Variants in MAP3K13 observed in about 807,000 individuals in gnomAD.
MAP3K13 encodes the protein leucine zipper-bearing kinase.
In MAP3K13, 52 loss-of-function variants were observed where a neutral mutation model predicts 104.0. That is an observed-to-expected ratio of 0.50 (90% CI 0.40 to 0.63). The LOEUF (loss-of-function observed/expected upper bound fraction) is 0.63. MAP3K13 is among the 20% of genes least tolerant of loss of function. The pLI, the probability that MAP3K13 is intolerant of heterozygous loss-of-function variation, is 0.00. For synonymous variants in MAP3K13, 394 were observed against 442.2 expected, an observed-to-expected ratio of 0.89 and a Z score of 1.37; for missense variants, 914 against 1,218.5, an observed-to-expected ratio of 0.75 and a Z score of 3.72.
chr3:185,453,664 G>A (rs1368324106), intron 7 of MAP3K13, among the ~76,000 whole-genome samples: 1 of 151,270 alleles, frequency 6.6e-6, no homozygotes, highest in Non-Finnish European at 1.5e-5. Context: ...AGCTACTCAG[G>A]AGGCTGAGGC....
chr3:185,467,030 A>C, intron 10 of MAP3K13, 67 bp downstream of exon 10: 50 of 1,578,270 alleles, frequency 3.2e-5, no homozygotes, highest in Non-Finnish European at 3.9e-5. Context: ...ATCCATTCTC[A>C]CATGATGGCG....
At chr3:185,427,068 T>C (rs1327571682) in intron 1 of MAP3K13, among the ~76,000 whole-genome samples, 1 of 152,114 alleles carries the variant, frequency 6.6e-6, no homozygotes, top group Non-Finnish European at 1.5e-5. Context: ...AGAACATACT[T>C]TGGGCTGGGC....
chr3:185,349,328 C>G (rs925963363), intron 2 of MAP3K13, among the ~76,000 whole-genome samples: 1 of 152,010 alleles, frequency 6.6e-6, no homozygotes, highest in Non-Finnish European at 1.5e-5. Flanking sequence ...ACATGTGTCC[C>G]CATTGTTTAG....
At chr3:185,441,711 T>C (rs1377152912) in intron 3 of MAP3K13, among the ~76,000 whole-genome samples, 2 of 151,966 alleles carry the variant, frequency 1.3e-5, no homozygotes, top group African/African-American at 4.8e-5. Context: ...GAGAGCAGCC[T>C]GGGCAACATG....
chr3:185,294,162 CT>C (rs1720839853), intron 2 of MAP3K13, among the ~76,000 whole-genome samples: 2 of 152,082 alleles, frequency 1.3e-5, no homozygotes, highest in South Asian at 4.1e-4. Flanking sequence ...CATTTCTTTT[CT>C]TTCTCTGAGT....
chr3:185,363,967 T>C (rs376759056), intron 1 of MAP3K13, among the ~76,000 whole-genome samples: 3 of 152,362 alleles, frequency 2.0e-5, no homozygotes, highest in East Asian at 3.9e-4. Context: ...TGTCACTCTC[T>C]ACACTTTATA....
At chr3:185,478,021 T>G (rs985379467) in intron 12 of MAP3K13, among the ~76,000 whole-genome samples, 10 of 152,186 alleles carry the variant, frequency 6.6e-5, no homozygotes, top group Non-Finnish European at 8.8e-5. Flanking sequence ...TCTATCTAGA[T>G]ACAATTATAT....
intron 1 of MAP3K13, among the ~76,000 whole-genome samples, chr3:185,411,872 C>T (rs2108786654): frequency 1.3e-5 from 2 of 151,280 alleles, no homozygotes; most frequent in South Asian, 2.1e-4. Context: ...GCAGCTTCCA[C>T]CTCCCAGGTT....
intron 2 of MAP3K13, among the ~76,000 whole-genome samples, chr3:185,311,852 A>T (rs1721505962): frequency 6.6e-6 from 1 of 152,264 alleles, no homozygotes; most frequent in Non-Finnish European, 1.5e-5. Flanking sequence ...GAAACAGCCT[A>T]CACAGTCATC....
At position 185,352,363 on chromosome 3, in the gene MAP3K13, G is replaced by C. The variant is rs1723167303; in HGVS notation, c.-86+66720G>C. Among the ~76,000 whole-genome samples, 3 of 151,990 alleles carry C rather than the reference G, an allele frequency of 2.0e-5. No individual in the cohort carries two copies. The South Asian group carries it at 6.2e-4, about 32-fold the overall frequency. On this transcript the variant is annotated intron_variant, in intron 2 of 14. Coordinates refer to the MAP3K13 transcript ENST00000424227. ...GGAGGCTGAGTCAGGAGAATCACTT[G>C]AACCCAGGAGGCAGAGGTTGTGGTG...
At chr3:185,384,336 G>GTGTGTGTGTGTGTGTT (rs779559634) in intron 1 of MAP3K13, among the ~76,000 whole-genome samples, 11 of 151,884 alleles carry the variant, frequency 7.2e-5, no homozygotes, top group Non-Finnish European at 1.3e-4. Flanking sequence ...GTGTGTGTGT[G>GTGTGTGTGTGTGTGTT]TGAGACACAT....
chr3:185,388,189 G>T (rs899264729), intron 1 of MAP3K13, among the ~76,000 whole-genome samples: 1 of 151,500 alleles, frequency 6.6e-6, no homozygotes, highest in African/African-American at 2.4e-5. Context: ...ATACAAGAAA[G>T]CTACAAAACA....
intron 2 of MAP3K13, among the ~76,000 whole-genome samples, chr3:185,326,220 G>A (rs1321725480): frequency 6.6e-6 from 1 of 152,150 alleles, no homozygotes; most frequent in African/African-American, 2.4e-5. Context: ...CACAGTGCCT[G>A]GCAGGTAGCA....
intron 1 of MAP3K13, among the ~76,000 whole-genome samples, chr3:185,412,595 T>C (rs1265546775): frequency 1.3e-5 from 2 of 152,242 alleles, no homozygotes; most frequent in Non-Finnish European, 2.9e-5. Flanking sequence ...AAATGTTCTA[T>C]CACACATTTT....
intron 1 of MAP3K13, among the ~76,000 whole-genome samples, chr3:185,416,154 G>A (rs77135910): frequency 0.13 from 20,109 of 152,052 alleles, 1,663 homozygotes; most frequent in South Asian, 0.25. Flanking sequence ...AATACCAAAT[G>A]AATGTTACAA....
rs2148935152 is a variant in MAP3K13 at position 185,486,199 on chromosome 3, A to C, written c.*3743A>C. ...CCCCTGATACCTCGTAATTTTGATC[A>C]GTTTTTTTTGAATTCTCATCTTGAT... is the stretch of plus-strand genomic sequence containing the variant. On this transcript the variant is annotated 3_prime_UTR_variant, in exon 14 of 14. Coordinates refer to ENST00000265026, the MANE Select transcript of MAP3K13 (RefSeq NM_004721.5). 6.6e-6 allele frequency: 1 copy of C among 152,270 alleles called. No homozygotes were observed. The highest frequency in any genetic ancestry group is 2.1e-4 in the South Asian group (1 of 4,828). The allele number at this position is 152,270 out of a possible 1,614,324, so 9.4% of individuals were successfully genotyped here.
chr3:185,342,380 T>C (rs7428492), intron 2 of MAP3K13, among the ~76,000 whole-genome samples: 101,658 of 152,058 alleles, frequency 0.67, 35,619 homozygotes, highest in Middle Eastern at 0.79. Context: ...GTCTGTCTTA[T>C]CTATGCCACA....
intron 10 of MAP3K13, among the ~76,000 whole-genome samples, chr3:185,468,806 T>A (rs1717608609): frequency 6.6e-6 from 1 of 152,226 alleles, no homozygotes; most frequent in Admixed American, 6.5e-5. Flanking sequence ...TCCTTGGGGT[T>A]GGGGGAAATC....
In MAP3K13 at chr3:185,480,425, A is replaced by T. The variant is rs755116331; in HGVS notation, c.2695A>T (p.Ile899Leu). 2.5e-6 allele frequency: 4 copies of T among 1,614,152 alleles called. No individual in the cohort carries two copies. Among genetic ancestry groups the T allele is most frequent in the Non-Finnish European group, 3.4e-6 (4 of 1,180,028 alleles). The stretch of plus-strand genomic sequence containing the variant: ...CCAGACGCCAGAGATTCCCATTGAC[A>T]TATCCTCACACTCGGATGGGCTCTC... ...LSQTPEIPID[I>L]SSHSDGLSDK... The change falls in exon 13 of 14, where the codon ATA becomes TTA. Residue 899 changes from isoleucine to leucine, a missense_variant. By Grantham distance (5) the Ile-to-Leu change is conservative (BLOSUM62 2). Transcript: ENST00000265026.
Sources: allele counts gnomAD v4.1 joint callset (sites outside exome capture counted in the v4.1 genomes callset), GRCh38; gene constraint gnomAD v4.1.1; transcripts MANE v1.5; gene names NCBI Gene and HGNC (gene_info 2026-07-23, HGNC 2026-07-21).